PDE4D: variants seen among roughly 807,000 people sequenced by gnomAD.
PDE4D encodes the protein 3',5'-cyclic-AMP phosphodiesterase 4D.
PDE4D carries 24 observed loss-of-function variants against 87.4 expected under a neutral mutation model. That is an observed-to-expected ratio of 0.27 (90% confidence interval 0.20 to 0.39). PDE4D has a LOEUF of 0.39. PDE4D is among the 10% of genes least tolerant of loss of function. The pLI, the probability that PDE4D is intolerant of heterozygous loss-of-function variation, is 1.00. For missense variants in PDE4D, 714 were observed against 1,041.0 expected (o/e 0.69, Z 4.32); for synonymous variants, 384 against 383.2 (o/e 1.00, Z -0.02).
intron 1 of PDE4D, among the ~76,000 whole-genome samples, chr5:59,879,751 G>GT (rs933689238): frequency 6.6e-6 from 1 of 152,076 alleles, no homozygotes; most frequent in African/African-American, 2.4e-5. Flanking sequence ...TTTTTTTGTT[G>GT]TTTTTTGAGA....
chr5:60,515,298 T>C (rs1325306062), intron 1 of PDE4D, among the ~76,000 whole-genome samples: 1 of 152,172 alleles, frequency 6.6e-6, no homozygotes, highest in African/African-American at 2.4e-5. Context: ...GTCTCCATTA[T>C]AAAATAAAGA....
chr5:59,365,672 G>A (rs893521552), intron 1 of PDE4D, among the ~76,000 whole-genome samples: 4 of 152,146 alleles, frequency 2.6e-5, no homozygotes, highest in African/African-American at 9.7e-5. Flanking sequence ...TTCTATTTCA[G>A]CCCAGTGTGG....
chr5:60,138,060 G>A (rs970348344), intron 2 of PDE4D, among the ~76,000 whole-genome samples: 2 of 152,056 alleles, frequency 1.3e-5, no homozygotes, highest in Admixed American at 6.6e-5. Context: ...CCCATTGCTT[G>A]TTTTTATCAG....
At chr5:59,304,050 T>C (rs528233283) in intron 1 of PDE4D, among the ~76,000 whole-genome samples, 2 of 152,288 alleles carry the variant, frequency 1.3e-5, no homozygotes, top group Non-Finnish European at 2.9e-5. Flanking sequence ...TTTGTTTGTA[T>C]TGTCTATGAT....
intron 2 of PDE4D, among the ~76,000 whole-genome samples, chr5:60,073,477 G>A (rs71627984): frequency 0.14 from 20,880 of 147,178 alleles, 1,496 homozygotes; most frequent in South Asian, 0.23. Context: ...TTTATTTTCT[G>A]TGTGTTTGCC....
intron 1 of PDE4D, among the ~76,000 whole-genome samples, chr5:59,692,723 G>A (rs759888695): frequency 9.2e-5 from 14 of 152,176 alleles, no homozygotes; most frequent in Non-Finnish European, 1.6e-4. Context: ...TAAATGCATC[G>A]CTTTAGCTTG....
chr5:59,555,050 A>G (rs186078), intron 1 of PDE4D, among the ~76,000 whole-genome samples: 129,095 of 152,132 alleles, frequency 0.85, 55,018 homozygotes, highest in South Asian at 0.91. Context: ...GCACATGCAC[A>G]CATATGTTCG....
chr5:59,923,979 T>C lies in PDE4D; in HGVS notation c.272+64509A>G, dbSNP rs7712772. 5.4e-3 allele frequency among the ~76,000 whole-genome samples: 821 copies of C among 152,236 alleles called. 4 individuals are homozygous for C. Among genetic ancestry groups the C allele is most frequent in the African/African-American group, 0.019 (783 of 41,536 alleles). On this transcript the variant is annotated intron_variant, in intron 3 of 16. Coordinates refer to the PDE4D transcript ENST00000502484. The stretch of plus-strand genomic sequence containing the variant: ...CTGTTTTGAGAAAACTCAGTGAAAC[T>C]CAAGATAATACAGAGAAAGAAGTCA...
chr5:60,039,689 G>T (rs1055234971), intron 2 of PDE4D, among the ~76,000 whole-genome samples: 2 of 152,082 alleles, frequency 1.3e-5, no homozygotes, highest in African/African-American at 4.8e-5. Flanking sequence ...ATAATCCCAT[G>T]TCTTTAGTTT....
intron 5 of PDE4D, among the ~76,000 whole-genome samples, chr5:59,108,951 C>A (rs1479627856): frequency 1.8e-5 from 2 of 112,236 alleles, no homozygotes; most frequent in Middle Eastern, 4.4e-3. Context: ...TTCATAGGAA[C>A]TCAATGTGTG....
intron 2 of PDE4D, among the ~76,000 whole-genome samples, chr5:60,183,823 G>C (rs1190126737): frequency 6.6e-6 from 1 of 152,134 alleles, no homozygotes; most frequent in African/African-American, 2.4e-5. Flanking sequence ...GCTCAGACCA[G>C]AGCAAAATAA....
chr5:60,259,354 C>T (rs1214479036), intron 1 of PDE4D, among the ~76,000 whole-genome samples: 2 of 152,000 alleles, frequency 1.3e-5, no homozygotes, highest in Non-Finnish European at 2.9e-5. Context: ...GCATTTTGTC[C>T]ATTCCTCATA....
chr5:60,336,899 T>C (rs567356195), intron 1 of PDE4D, among the ~76,000 whole-genome samples: 13 of 152,298 alleles, frequency 8.5e-5, no homozygotes, highest in Non-Finnish European at 1.8e-4. Context: ...TATAAATACA[T>C]GTTATTTTAA....
intron 1 of PDE4D, among the ~76,000 whole-genome samples, chr5:59,618,008 G>A (rs552221735): frequency 2.6e-4 from 39 of 149,776 alleles, no homozygotes; most frequent in Admixed American, 1.7e-3. Flanking sequence ...ATTATTTTCT[G>A]ATTTTTTTTT....
chr5:60,149,946 T>C (rs1781355451), intron 2 of PDE4D, among the ~76,000 whole-genome samples: 2 of 147,244 alleles, frequency 1.4e-5, no homozygotes, highest in Admixed American at 1.4e-4. Flanking sequence ...ATATGTTATA[T>C]ATAGTATATA....
At chr5:59,684,095 T>C (rs905242471) in intron 1 of PDE4D, among the ~76,000 whole-genome samples, 10 of 152,218 alleles carry the variant, frequency 6.6e-5, no homozygotes, top group African/African-American at 2.4e-4. Flanking sequence ...TTGAAAATGA[T>C]GCCTATTCAA....
intron 1 of PDE4D, among the ~76,000 whole-genome samples, chr5:59,516,951 A>G (rs973837790): frequency 2.1e-5 from 3 of 141,018 alleles, no homozygotes; most frequent in Non-Finnish European, 4.4e-5. Flanking sequence ...AGGCACACAC[A>G]TAGGCACACA....
chr5:59,129,882 T>A (rs958003688), intron 5 of PDE4D, among the ~76,000 whole-genome samples: 5 of 152,132 alleles, frequency 3.3e-5, no homozygotes, highest in African/African-American at 1.2e-4. Context: ...GACCCTACCT[T>A]GCAGGGTTAT....
chr5:59,678,226 A>C (rs1314750077), intron 1 of PDE4D, among the ~76,000 whole-genome samples: 1 of 152,198 alleles, frequency 6.6e-6, no homozygotes, highest in African/African-American at 2.4e-5. Flanking sequence ...ATAGTTTTTC[A>C]CAACTTCTTA....
Sources: allele counts gnomAD v4.1 joint callset (sites outside exome capture counted in the v4.1 genomes callset), GRCh38; gene constraint gnomAD v4.1.1; transcripts MANE v1.5; gene names NCBI Gene and HGNC (gene_info 2026-07-23, HGNC 2026-07-21).